Variants in TAGAP observed in about 807,000 individuals in gnomAD.
TAGAP encodes T cell activation RhoGTPase activating protein, also known as T-cell activation Rho GTPase-activating protein.
In TAGAP, 16 loss-of-function variants were observed where a neutral mutation model predicts 36.0. The ratio of observed to expected loss-of-function variants is 0.44; its 90% CI spans 0.30 to 0.68. The LOEUF is 0.68. TAGAP is among the 30% of genes least tolerant of loss of function. TAGAP has a pLI of 0.09. For missense variants in TAGAP, 794 were observed against 921.5 expected (o/e 0.86, Z 1.79); for synonymous variants, 372 against 377.4 (o/e 0.99, Z 0.17).
rs1481991657 is a variant in TAGAP at position 159,044,980 on chromosome 6, A to C, written c.-160T>G. ...CTCCTTCTAGTCCACTGGGAGAGAGAGAGACCGAGCCGGTCTCCCTTCACA... is the reference window on the plus strand; with the variant it reads ...CTCCTTCTAGTCCACTGGGAGAGAGCGAGACCGAGCCGGTCTCCCTTCACA... On this transcript the variant is annotated 5_prime_UTR_variant, in exon 1 of 10. Coordinates refer to ENST00000367066, the MANE Select transcript of TAGAP (RefSeq NM_054114.5). 2.5e-6 allele frequency: 1 copy of C among 398,382 alleles called. No homozygotes were observed. The highest frequency in any genetic ancestry group is 4.4e-6 in the Non-Finnish European group (1 of 225,980). The allele number at this position is 398,382 out of a possible 1,614,324, so 24.7% of individuals were successfully genotyped here.
chr6:159,043,758 G>A, intron 3 of TAGAP, 103 bp from the exon 4 acceptor site: 2 of 1,220,698 alleles, frequency 1.6e-6, no homozygotes, highest in Admixed American at 1.8e-5. Flanking sequence ...TAAAAATGAA[G>A]TCAGTAGAGT....
At position 159,034,757 on chromosome 6, in the gene TAGAP, A is replaced by G. The variant is rs971568594; in HGVS notation, c.*1070T>C. On this transcript the variant is annotated 3_prime_UTR_variant, in exon 10 of 10. Coordinates refer to ENST00000367066, the MANE Select transcript of TAGAP (RefSeq NM_054114.5). ...TTGTGTACTACATTTTTCTGGCAGA[A>G]TGACTCCTTGCTGAAAAAAAATGGC... 2.0e-5 allele frequency: 3 copies of G among 152,156 alleles called. No individual in the cohort carries two copies. Among genetic ancestry groups the G allele is most frequent in the Non-Finnish European group, 4.4e-5 (3 of 68,038 alleles). The allele number at this position is 152,156 out of a possible 1,614,324, so 9.4% of individuals were successfully genotyped here. A position where few individuals can be genotyped will look rare whatever the true frequency, so the allele number is the denominator to read the frequency against.
Position 159,039,168 on chromosome 6 carries a change from G to A in TAGAP, c.729C>T (p.Thr243=), listed in dbSNP as rs145044477. The part of the protein sequence containing the change: ...LAICIGPNML[T]LENDQSLSFE... ...ATGACAGGCTCTGGTCATTCTCCAGGGTGAGCATGTTGGGTCCAATGCAGA... is the reference window on the plus strand; with the variant it reads ...ATGACAGGCTCTGGTCATTCTCCAGAGTGAGCATGTTGGGTCCAATGCAGA... The change falls in exon 8 of 10, where the codon ACC becomes ACT. Residue 243 remains threonine (T), a synonymous_variant. Coordinates refer to ENST00000367066, the MANE Select transcript of TAGAP (RefSeq NM_054114.5). 6.2e-7 allele frequency: 1 copy of A among 1,614,128 alleles called. No individual in the cohort carries two copies. Among genetic ancestry groups the A allele is most frequent in the East Asian group, 2.2e-5 (1 of 44,892 alleles).
rs897766707 is a variant in TAGAP at position 159,037,217 on chromosome 6, A to C, written c.899-93T>G. 145 of 1,192,446 alleles carry C rather than the reference A, an allele frequency of 1.2e-4. No homozygotes were observed. Among genetic ancestry groups the C allele is most frequent in the Non-Finnish European group, 1.4e-4 (130 of 905,358 alleles). The allele number at this position is 1,192,446 out of a possible 1,614,324, so 73.9% of individuals were successfully genotyped here. ...TTTTTATTTTCATTTTTTGAGATGG[A>C]GTCTCGGTTTGTTGCCCAGGCTGGA... On this transcript the variant is annotated intron_variant, in intron 9 of 9. Coordinates refer to ENST00000367066, the MANE Select transcript of TAGAP (RefSeq NM_054114.5). The surrounding 1 kb of genome is among the most constrained non-coding windows in gnomAD (Gnocchi z 5.1).
chr6:159,043,916 TAAAAC>T (rs989931730), intron 3 of TAGAP, 57 bp downstream of exon 3: 6 of 1,463,294 alleles, frequency 4.1e-6, no homozygotes, highest in African/African-American at 2.8e-5. Flanking sequence ...AATATTCAAT[TAAAAC>T]AAAGTTTTCC....
Sources: allele counts gnomAD v4.1 joint callset, GRCh38; gene constraint gnomAD v4.1.1; non-coding constraint Gnocchi (gnomAD v3.1); transcripts MANE v1.5; gene names NCBI Gene and HGNC (gene_info 2026-07-23, HGNC 2026-07-21).